The following POLR1F variants were observed in gnomAD, a reference collection of about 807,000 sequenced individuals.
The protein encoded by POLR1F is RNA polymerase I subunit F, also known as DNA-directed RNA polymerase I subunit RPA43.
POLR1F carries 23 observed loss-of-function variants against 21.8 expected under a neutral mutation model. The observed-to-expected ratio is 1.05, with a 90% confidence interval of 0.76 to 1.49. POLR1F has a LOEUF of 1.49. Ranked by LOEUF, POLR1F falls within the 40% of genes most tolerant of loss-of-function variation. The pLI is 0.00. For missense variants in POLR1F, 435 were observed against 412.1 expected (o/e 1.06, Z -0.48); for synonymous variants, 162 against 152.8 (o/e 1.06, Z -0.45).
At chr7:19,704,578 T>C (rs73274039) in intron 2 of POLR1F, among the ~76,000 whole-genome samples, 4,531 of 152,306 alleles carry the variant, frequency 0.03, 98 homozygotes, top group East Asian at 0.061. Flanking sequence ...ATATATCGTG[T>C]GCATGTATGT....
At chr7:19,699,928 T>C in intron 3 of POLR1F, 144 bp downstream of exon 3, 1 of 662,376 alleles carries the variant, frequency 1.5e-6, no homozygotes, top group Non-Finnish European at 2.5e-6. Context: ...ATATTGACTT[T>C]ATGGTTTGAA....
In POLR1F at chr7:19,696,400, T is replaced by A. The variant is rs151286814; in HGVS notation, c.*1916A>T. ...AGCAAAACAAAAGTAACGTGGGAAC[T>A]TGCTTATTTGCTAAGCCACAATGTA... On this transcript the variant is annotated 3_prime_UTR_variant, in exon 4 of 4. Coordinates refer to ENST00000222567, the MANE Select transcript of POLR1F (RefSeq NM_001002926.2). The A allele has an allele frequency of 6.6e-6, 1 of 152,220 alleles. No individual in the cohort carries two copies. The highest frequency in any genetic ancestry group is 1.9e-4 in the East Asian group (1 of 5,184). The allele number at this position is 152,220 out of a possible 1,614,324, so 9.4% of individuals were successfully genotyped here. A position where few individuals can be genotyped will look rare whatever the true frequency, so the allele number is the denominator to read the frequency against.
Position 19,698,324 on chromosome 7 carries a change from A to T in POLR1F, c.1009T>A (p.Phe337Ile). ...CSPKRKGKSN[F>I]L ...ATCGTGTTTAAAATACACTAAAGAA[A>T]ATTACTTTTCCCTTTTCTTTTTGGT... is the stretch of plus-strand genomic sequence containing the variant. Residue 337 changes from phenylalanine (F) to isoleucine (I), a missense_variant, in exon 4 of 4, where the codon TTT (phenylalanine) becomes ATT (isoleucine). By Grantham distance (21) the Phe-to-Ile change is conservative. Transcript: ENST00000222567. The T allele has an allele frequency of 2.6e-6, 4 of 1,558,876 alleles. No individual in the cohort carries two copies. Among genetic ancestry groups the T allele is most frequent in the Non-Finnish European group, 3.4e-6 (4 of 1,161,824 alleles).
In POLR1F at chr7:19,695,821, C is replaced by T. The variant is rs1783355357; in HGVS notation, c.*2495G>A. 6.6e-6 allele frequency: 1 copy of T among 152,174 alleles called. No individual in the cohort carries two copies. The highest frequency in any genetic ancestry group is 6.5e-5 in the Admixed American group (1 of 15,276). 9.4% of individuals were successfully genotyped at this position (152,174 alleles called of 1,614,324 possible). On this transcript the variant is annotated 3_prime_UTR_variant, in exon 4 of 4. Transcript: ENST00000222567. ...GTCAGGTTCTCCACCTGGAATGCCA[C>T]AGCTAGTTTTTCTTCTCCAAGGGTC...
At chr7:19,705,772 T>C (rs1783513215) in intron 1 of POLR1F, among the ~76,000 whole-genome samples, 1 of 152,182 alleles carries the variant, frequency 6.6e-6, no homozygotes, top group Middle Eastern at 3.2e-3. Flanking sequence ...GACCTAGTGG[T>C]GGGAGGCGGA....
chr7:19,701,606 G>A (rs895536906), intron 2 of POLR1F, among the ~76,000 whole-genome samples: 1 of 152,124 alleles, frequency 6.6e-6, no homozygotes, highest in African/African-American at 2.4e-5. Flanking sequence ...GAAGACAGCC[G>A]GTTCTTACCT....
At chr7:19,707,695 T>G (rs1188654518) in intron 1 of POLR1F, among the ~76,000 whole-genome samples, 1 of 152,222 alleles carries the variant, frequency 6.6e-6, no homozygotes, top group Non-Finnish European at 1.5e-5. Context: ...TCTGTCAAAT[T>G]TTAACACTTT....
At position 19,698,227 on chromosome 7, in the gene POLR1F, A is replaced by G; in HGVS notation, c.*89T>C. 3 of 1,239,008 alleles carry G rather than the reference A, an allele frequency of 2.4e-6. No homozygotes were observed. The highest frequency in any genetic ancestry group is 3.2e-6 in the Non-Finnish European group (3 of 937,228). The allele number at this position is 1,239,008 out of a possible 1,614,324, so 76.8% of individuals were successfully genotyped here. A position where few individuals can be genotyped will look rare whatever the true frequency, so the allele number is the denominator to read the frequency against. ...ATTTTCTGTTTTGTAAACTACTGGC[A>G]TACTTAACCTTTTCATATCACTGAA... is the stretch of plus-strand genomic sequence containing the variant. On this transcript the variant is annotated 3_prime_UTR_variant, in exon 4 of 4. Coordinates refer to ENST00000222567, the MANE Select transcript of POLR1F (RefSeq NM_001002926.2).
intron 1 of POLR1F, among the ~76,000 whole-genome samples, chr7:19,708,255 T>C (rs1224859840): frequency 6.6e-6 from 1 of 152,068 alleles, no homozygotes; most frequent in Non-Finnish European, 1.5e-5. Context: ...AATGGGGAAA[T>C]TACCAGAGCG....
chr7:19,700,688 A>G lies in POLR1F; in HGVS notation c.397-408T>C, dbSNP rs374977678. ...CCAAGCAAACCCCATATAACTTCTAAAAAGACCTCATATGCGTTTTATAAC... is the reference window on the plus strand; with the variant it reads ...CCAAGCAAACCCCATATAACTTCTAGAAAGACCTCATATGCGTTTTATAAC... On this transcript the variant is annotated intron_variant, in intron 2 of 3. Coordinates refer to ENST00000222567, the MANE Select transcript of POLR1F (RefSeq NM_001002926.2). Among the ~76,000 whole-genome samples, 5 of 152,314 alleles carry G rather than the reference A, an allele frequency of 3.3e-5. No homozygotes were observed. In the East Asian group the frequency reaches 9.6e-4, roughly 29 times the overall value.
At position 19,708,964 on chromosome 7, in the gene POLR1F, G is replaced by A. The variant is rs146649877; in HGVS notation, c.53C>T (p.Ser18Phe). 499 of 1,605,776 alleles carry A rather than the reference G, an allele frequency of 3.1e-4. 4 individuals carry two copies. In the East Asian group the frequency reaches 0.01, roughly 33 times the overall value. ...CAGGACGCCAGCCTGCCCTACCAGA[G>A]ACCCATCAGAAGCCGCCGCTGGCCG... ...APRPAAASDG[S>F]LVGQAGVLPC... The change falls in exon 1 of 4, where the codon TCT becomes TTT. Residue 18 changes from serine to phenylalanine, a missense_variant. Transcript: ENST00000222567.
chr7:19,706,122 G>T (rs1334827888), intron 1 of POLR1F, among the ~76,000 whole-genome samples: 2 of 152,170 alleles, frequency 1.3e-5, no homozygotes, highest in East Asian at 1.9e-4. Context: ...ATAAGGGAAA[G>T]AATTTATCCC....
intron 3 of POLR1F, among the ~76,000 whole-genome samples, 177 bp from the exon 4 acceptor site, chr7:19,698,904 T>C (rs184468003): frequency 1.3e-5 from 2 of 152,242 alleles, no homozygotes; most frequent in East Asian, 1.9e-4. Context: ...CACTAAAATA[T>C]GTATGGGCTG....
chr7:19,707,135 C>T (rs1000137496), intron 1 of POLR1F, among the ~76,000 whole-genome samples: 3 of 152,174 alleles, frequency 2.0e-5, no homozygotes, highest in African/African-American at 7.2e-5. Flanking sequence ...ATCATTTTCT[C>T]TTGGACAATT....
chr7:19,700,125 T>G lies in POLR1F; in HGVS notation c.552A>C (p.Leu184Phe), dbSNP rs952372987. The change falls in exon 3 of 4, where the codon TTA becomes TTC. Residue 184 changes from leucine (L) to phenylalanine (F), a missense_variant. Coordinates refer to ENST00000222567, the MANE Select transcript of POLR1F (RefSeq NM_001002926.2). ...GDELEFEVFR[L>F]DSDAAGVFCI... ...AGAATACTCCAGCAGCATCTGAGTCTAAACGAAATACTTCAAATTCTAGTT... is the reference window on the plus strand; with the variant it reads ...AGAATACTCCAGCAGCATCTGAGTCGAAACGAAATACTTCAAATTCTAGTT... 6.2e-7 allele frequency: 1 copy of G among 1,613,964 alleles called. No individual in the cohort carries two copies.
chr7:19,700,136 C>T lies in POLR1F; in HGVS notation c.541G>A (p.Val181Ile). Residue 181 changes from valine (V) to isoleucine (I), a missense_variant, in exon 3 of 4, where the codon GTA becomes ATA. Coordinates refer to ENST00000222567, the MANE Select transcript of POLR1F (RefSeq NM_001002926.2). ...INMGDELEFE[V>I]FRLDSDAAGV... is the part of the protein sequence containing the mutation. ...GCAGCATCTGAGTCTAAACGAAATA[C>T]TTCAAATTCTAGTTCATCACCCATG... 6.2e-7 allele frequency: 1 copy of T among 1,613,918 alleles called. No individual in the cohort carries two copies. The highest frequency in any genetic ancestry group is 8.5e-7 in the Non-Finnish European group (1 of 1,179,846).
chr7:19,698,743 T>TA lies in POLR1F; in HGVS notation c.606-17dup. ...GAATTGTAAACTATAAATTAACAGT[T>TA]AAAAAAATTAACAGAACAATAAGCA... On this transcript the variant is annotated splice_polypyrimidine_tract_variant and intron_variant, in intron 3 of 3. Coordinates refer to ENST00000222567, the MANE Select transcript of POLR1F (RefSeq NM_001002926.2). 1.3e-6 allele frequency: 2 copies of TA among 1,492,890 alleles called. No individual in the cohort carries two copies. Among genetic ancestry groups the TA allele is most frequent in the Non-Finnish European group, 8.9e-7 (1 of 1,127,966 alleles). 92.5% of individuals were successfully genotyped at this position (1,492,890 alleles called of 1,614,324 possible). A position where few individuals can be genotyped will look rare whatever the true frequency, so the allele number is the denominator to read the frequency against.
At chr7:19,699,698 T>G (rs1469775211) in intron 3 of POLR1F, among the ~76,000 whole-genome samples, 1 of 152,106 alleles carries the variant, frequency 6.6e-6, no homozygotes, top group Non-Finnish European at 1.5e-5. Flanking sequence ...TCAACACAAT[T>G]TTTTGTGTGT....
rs1160498037 is a variant in POLR1F at position 19,696,144 on chromosome 7, C to T, written c.*2172G>A. 1 of 151,890 alleles carries T rather than the reference C, an allele frequency of 6.6e-6. No individual in the cohort carries two copies. The allele number at this position is 151,890 out of a possible 1,614,324, so 9.4% of individuals were successfully genotyped here. A position where few individuals can be genotyped will look rare whatever the true frequency, so the allele number is the denominator to read the frequency against. On this transcript the variant is annotated 3_prime_UTR_variant, in exon 4 of 4. Coordinates refer to ENST00000222567, the MANE Select transcript of POLR1F (RefSeq NM_001002926.2). Reference sequence around the variant, plus strand: ...TAGACTAGGTTAGTGCAGCATGTGCCAAATGTTTTGAAGAATACATAGTGG... The same window carrying T: ...TAGACTAGGTTAGTGCAGCATGTGCTAAATGTTTTGAAGAATACATAGTGG...
Sources: allele counts gnomAD v4.1 joint callset (sites outside exome capture counted in the v4.1 genomes callset), GRCh38; gene constraint gnomAD v4.1.1; transcripts MANE v1.5; gene names NCBI Gene and HGNC (gene_info 2026-07-23, HGNC 2026-07-21).